PCDHGA2: variants seen among roughly 807,000 people sequenced by gnomAD.
PCDHGA2 encodes the protein protocadherin gamma-A2.
A neutral mutation model predicts 59.2 loss-of-function variants in PCDHGA2; 40 were observed. The ratio of observed to expected loss-of-function variants is 0.68; its 90% confidence interval spans 0.52 to 0.88. The LOEUF (loss-of-function observed/expected upper bound fraction) is 0.88, where lower values mean the gene tolerates loss of function less well. PCDHGA2 is among the 40% of genes least tolerant of loss of function. PCDHGA2 has a pLI of 0.00. For synonymous variants in PCDHGA2, 560 were observed against 526.0 expected (o/e 1.06, Z -0.89); for missense variants, 1,226 against 1,204.0 (o/e 1.02, Z -0.27).
chr5:141,360,653 A>T, intron 1 of PCDHGA2: 1 of 1,614,020 alleles, frequency 6.2e-7, no homozygotes, highest in Non-Finnish European at 8.5e-7. Flanking sequence ...TACCACCTTA[A>T]TGACAACGAG....
At chr5:141,475,983 C>T in intron 1 of PCDHGA2, 2 of 1,049,240 alleles carry the variant, frequency 1.9e-6, no homozygotes, top group Non-Finnish European at 2.8e-6. Context: ...GAACAGCCGG[C>T]GAGCAAATCA....
chr5:141,426,465 T>C, intron 1 of PCDHGA2: 1 of 315,366 alleles, frequency 3.2e-6, no homozygotes, highest in African/African-American at 2.2e-5. Context: ...ATGTTCAGGA[T>C]TTATTGACCT....
chr5:141,437,518 T>C (rs1482415074), intron 1 of PCDHGA2, among the ~76,000 whole-genome samples: 1 of 152,210 alleles, frequency 6.6e-6, no homozygotes, highest in African/African-American at 2.4e-5. Flanking sequence ...ATAAGGCTGA[T>C]GACAAATGAG....
chr5:141,478,102 C>T, intron 1 of PCDHGA2: 1 of 1,614,126 alleles, frequency 6.2e-7, no homozygotes, highest in South Asian at 1.1e-5. Flanking sequence ...CTGCTACCCT[C>T]ACTGTGTCAG....
At chr5:141,375,529 C>A (rs370346410) in intron 1 of PCDHGA2, 3 of 1,614,026 alleles carry the variant, frequency 1.9e-6, no homozygotes, top group African/African-American at 1.3e-5. Flanking sequence ...CTGACGTGGA[C>A]CAGAACGCCC....
At chr5:141,442,473 C>T (rs1435437337) in intron 1 of PCDHGA2, 1 of 152,240 alleles carries the variant, frequency 6.6e-6, no homozygotes, top group Non-Finnish European at 1.5e-5. Flanking sequence ...CAGAAAGCCC[C>T]TTGGGGAAGG....
chr5:141,506,398 A>T (rs902405970), intron 3 of PCDHGA2, among the ~76,000 whole-genome samples: 6 of 151,394 alleles, frequency 4.0e-5, no homozygotes, highest in Admixed American at 2.6e-4. Context: ...GTGAGCAGAA[A>T]ATCGCACCAC....
intron 1 of PCDHGA2, chr5:141,362,422 A>G: frequency 2.5e-6 from 4 of 1,614,016 alleles, no homozygotes; most frequent in African/African-American, 2.7e-5. Flanking sequence ...ATCAGCCAAG[A>G]CAGAGTTCAA....
At position 141,365,186 on chromosome 5, in the gene PCDHGA2, G is replaced by A. The variant is rs775485996; in HGVS notation, c.2424+23791G>A. ...GACCTACTCTTTTCGCAATGAAGAA[G>A]AAAAAATTTCGGAGACTTTCCAACT... On this transcript the variant is annotated intron_variant, in intron 1 of 3. Transcript: ENST00000394576. 8.1e-6 allele frequency: 13 copies of A among 1,613,880 alleles called. 1 individual carries two copies. In the South Asian group the frequency reaches 1.1e-4, roughly 14 times the overall value.
intron 1 of PCDHGA2, chr5:141,361,177 A>G (rs561630104): frequency 6.2e-7 from 1 of 1,613,966 alleles, no homozygotes; most frequent in Non-Finnish European, 8.5e-7. Context: ...ACCTGAAGTT[A>G]TTGTGACTTC....
chr5:141,393,622 A>C (rs776047060), intron 1 of PCDHGA2: 1 of 1,613,960 alleles, frequency 6.2e-7, no homozygotes, highest in Admixed American at 1.7e-5. Context: ...AGCGACCCGG[A>C]TGAGGGAATC....
At chr5:141,451,503 A>G (rs1395798374) in intron 1 of PCDHGA2, among the ~76,000 whole-genome samples, 1 of 152,234 alleles carries the variant, frequency 6.6e-6, no homozygotes, top group African/African-American at 2.4e-5. Flanking sequence ...TAGGGCAACC[A>G]GCTTCTGTTA....
chr5:141,350,755 G>C (rs1263428107), intron 1 of PCDHGA2: 2 of 1,613,806 alleles, frequency 1.2e-6, no homozygotes, highest in Non-Finnish European at 1.7e-6. Flanking sequence ...ATTCACTGAA[G>C]TTATACACCA....
chr5:141,432,803 G>T lies in PCDHGA2; in HGVS notation c.2425-62004G>T, dbSNP rs751950423. 3 of 1,614,160 alleles carry T rather than the reference G, an allele frequency of 1.9e-6. No homozygotes were observed. The highest frequency in any genetic ancestry group is 2.2e-5 in the East Asian group (1 of 44,874). ...GGACCTCGGCAGCCTCGAGTCTCCA[G>T]CTAACTCTGAAACCTCAGACCTCAC... On this transcript the variant is annotated intron_variant, in intron 1 of 3. Coordinates refer to ENST00000394576, the MANE Select transcript of PCDHGA2 (RefSeq NM_018915.4). This position sits in a 1 kb window ranked among gnomAD's most constrained non-coding sequence, Gnocchi z 6.0.
chr5:141,486,271 C>T lies in PCDHGA2; in HGVS notation c.2425-8536C>T. 1 of 1,614,086 alleles carries T rather than the reference C, an allele frequency of 6.2e-7. No homozygotes were observed. Among genetic ancestry groups the T allele is most frequent in the Non-Finnish European group, 8.5e-7 (1 of 1,179,994 alleles). ...CCCTCCCCGAGAGTGCAGAACCTGG[C>T]ACTGTGGTGGCACTTATCAGTGTGC... On this transcript the variant is annotated intron_variant, in intron 1 of 3. Coordinates refer to ENST00000394576, the MANE Select transcript of PCDHGA2 (RefSeq NM_018915.4). The surrounding 1 kb of genome is among the most constrained non-coding windows in gnomAD (Gnocchi z 5.0).
At chr5:141,394,532 T>A (rs1259695027) in intron 1 of PCDHGA2, 3 of 1,614,070 alleles carry the variant, frequency 1.9e-6, no homozygotes, top group African/African-American at 2.7e-5. Flanking sequence ...ACGGTTCCAC[T>A]GGCGTGGAGC....
rs765454115 is a variant in PCDHGA2, at chr5:141,410,470, T to C, written c.2424+69075T>C. On this transcript the variant is annotated intron_variant, in intron 1 of 3. Coordinates refer to ENST00000394576, the MANE Select transcript of PCDHGA2 (RefSeq NM_018915.4). Reference sequence around the variant, plus strand: ...TGCCTTATTCTTATAATCTGTGCATTGCACATACGGGTACAAAAGAGTTTA... The same window carrying C: ...TGCCTTATTCTTATAATCTGTGCATCGCACATACGGGTACAAAAGAGTTTA... 1.9e-6 allele frequency: 3 copies of C among 1,613,922 alleles called. No individual in the cohort carries two copies. The African/African-American group carries it at 4.0e-5, about 22-fold the overall frequency.
intron 1 of PCDHGA2, among the ~76,000 whole-genome samples, chr5:141,358,207 T>TA (rs1313276659): frequency 1.3e-5 from 2 of 152,078 alleles, no homozygotes; most frequent in Non-Finnish European, 2.9e-5. Context: ...TAAAATAAAA[T>TA]AAAGTAAAAT....
chr5:141,407,938 GC>G, intron 1 of PCDHGA2: 1 of 510,154 alleles, frequency 2.0e-6, no homozygotes, highest in Non-Finnish European at 3.3e-6. Context: ...GCCTCTGGGC[GC>G]CGCTGTCGGC....
Sources: gnomAD v4.1 joint callset for allele counts (sites outside exome capture counted in the v4.1 genomes callset) on GRCh38, gnomAD v4.1.1 for gene constraint, Gnocchi (gnomAD v3.1) non-coding constraint, MANE v1.5 for transcripts, NCBI Gene and HGNC (gene_info 2026-07-23, HGNC 2026-07-21) for gene names.